The following SHISA6 variants were observed in gnomAD, a reference collection of about 807,000 sequenced individuals.
SHISA6 encodes the protein protein shisa-6.
In SHISA6, 22 loss-of-function variants were observed where a neutral mutation model predicts 47.9. That is an observed-to-expected ratio of 0.46 (90% CI 0.33 to 0.66). The LOEUF (loss-of-function observed/expected upper bound fraction) is 0.66, where lower values mean the gene tolerates loss of function less well. SHISA6 is among the 30% of genes least tolerant of loss of function. The probability of loss-of-function intolerance (pLI) is 0.02; values close to 1 mark genes in which losing one functional copy is unlikely to be tolerated. For missense variants in SHISA6, 680 were observed against 764.6 expected, an observed-to-expected ratio of 0.89 and a Z score of 1.30; for synonymous variants, 388 against 337.8, an observed-to-expected ratio of 1.15 and a Z score of -1.63.
At chr17:11,542,421 GACAA>G (rs899506774) in intron 3 of SHISA6, among the ~76,000 whole-genome samples, 5 of 150,728 alleles carry the variant, frequency 3.3e-5, no homozygotes, top group African/African-American at 2.4e-5. Flanking sequence ...AACATTCTCA[GACAA>G]ACAAAGACTG....
intron 2 of SHISA6, among the ~76,000 whole-genome samples, chr17:11,375,344 C>G (rs1227699641): frequency 6.6e-6 from 1 of 152,032 alleles, no homozygotes; most frequent in African/African-American, 2.4e-5. Flanking sequence ...ATCTCTTTGT[C>G]CTTCCCCTCT....
intron 2 of SHISA6, among the ~76,000 whole-genome samples, chr17:11,281,259 T>A (rs1332271485): frequency 1.3e-5 from 2 of 152,136 alleles, no homozygotes; most frequent in Non-Finnish European, 2.9e-5. Flanking sequence ...GGGAAAGCAG[T>A]CTTTTGCATT....
chr17:11,422,232 G>A lies in SHISA6; in HGVS notation c.895+42723G>A, dbSNP rs117940664. Among the ~76,000 whole-genome samples, 221 of 152,264 alleles carry A rather than the reference G, an allele frequency of 1.5e-3. 4 individuals carry two copies. The East Asian group carries it at 0.038, about 26-fold the overall frequency. On this transcript the variant is annotated intron_variant, in intron 3 of 5. Coordinates refer to ENST00000441885, the MANE Select transcript of SHISA6 (RefSeq NM_207386.4). ...CACCTGCAGCCTGACTGGGCTGGTGGGGCAATGAACTGCATGAGTCAAGAG... is the reference window on the plus strand; with the variant it reads ...CACCTGCAGCCTGACTGGGCTGGTGAGGCAATGAACTGCATGAGTCAAGAG...
At chr17:11,244,640 A>G (rs778916315) in intron 1 of SHISA6, among the ~76,000 whole-genome samples, 4 of 152,174 alleles carry the variant, frequency 2.6e-5, no homozygotes, top group Non-Finnish European at 5.9e-5. Context: ...AGGGAGTGAT[A>G]GAGACAGAGA....
At chr17:11,388,793 TATA>T (rs1913279711) in intron 3 of SHISA6, among the ~76,000 whole-genome samples, 1 of 9,186 alleles carries the variant, frequency 1.1e-4, no homozygotes, top group African/African-American at 7.5e-4. Context: ...CAAAAGTTTA[TATA>T]TATATATATA....
chr17:11,560,939 G>A lies in SHISA6; in HGVS notation c.*2635G>A, dbSNP rs2277655. 0.7 allele frequency: 105,553 copies of A among 150,826 alleles called. 37,109 individuals are homozygous for A. The highest frequency in any genetic ancestry group is 0.83 in the East Asian group (4,206 of 5,042). 9.3% of individuals were successfully genotyped at this position (150,826 alleles called of 1,614,324 possible). A position where few individuals can be genotyped will look rare whatever the true frequency, so the allele number is the denominator to read the frequency against. The stretch of plus-strand genomic sequence containing the variant: ...GAGGGAGAGAGGGAGGGAGGGAGGG[G>A]AGGAGGGAAGAAAAAAGAAGTAGAG... On this transcript the variant is annotated 3_prime_UTR_variant, in exon 6 of 6. Transcript: ENST00000441885.
In SHISA6 at chr17:11,558,123, T is replaced by A. The variant is rs2072001469; in HGVS notation, c.1475T>A (p.Met492Lys). The A allele has an allele frequency of 6.4e-7, 1 of 1,551,216 alleles. No individual in the cohort carries two copies. Among genetic ancestry groups the A allele is most frequent in the African/African-American group, 1.4e-5 (1 of 73,072 alleles). The change falls in exon 6 of 6, where the codon ATG (methionine) becomes AAG (lysine). Residue 492 changes from methionine (M) to lysine (K), a missense_variant. Met to Lys is a moderately conservative substitution (Grantham distance 95). This residue lies in a region of SHISA6 where 559 missense variants were observed against 674.1 expected (regional missense o/e 0.83). Coordinates refer to ENST00000441885, the MANE Select transcript of SHISA6 (RefSeq NM_207386.4). ...VSTPVLDRYRMSKMHSHPSAS... is the reference protein window; with the variant it reads ...VSTPVLDRYRKSKMHSHPSAS... The stretch of plus-strand genomic sequence containing the variant: ...ACACCCGTGCTGGACCGCTACCGCA[T>A]GAGCAAGATGCACTCTCATCCCAGT...
intron 2 of SHISA6, among the ~76,000 whole-genome samples, chr17:11,302,770 G>A (rs1374116842): frequency 6.6e-6 from 1 of 152,004 alleles, no homozygotes; most frequent in Non-Finnish European, 1.5e-5. Flanking sequence ...GGGCAGACCC[G>A]AAGGGTTGCA....
intron 3 of SHISA6, among the ~76,000 whole-genome samples, chr17:11,438,434 A>G (rs1347236584): frequency 1.3e-5 from 2 of 152,172 alleles, no homozygotes; most frequent in Non-Finnish European, 2.9e-5. Context: ...CTGAAAGTTC[A>G]AGATCACTGT....
intron 1 of SHISA6, 141 bp from the exon 2 acceptor site, chr17:11,263,225 C>T (rs935315430): frequency 1.2e-6 from 1 of 851,008 alleles, no homozygotes; most frequent in Non-Finnish European, 1.8e-6. Context: ...CCAGATGTAG[C>T]TGACTATTGA....
chr17:11,385,907 A>G (rs1302135583), intron 3 of SHISA6, among the ~76,000 whole-genome samples: 1 of 151,828 alleles, frequency 6.6e-6, no homozygotes. Flanking sequence ...AAATCCAGTG[A>G]GCTGAAGCGT....
intron 3 of SHISA6, among the ~76,000 whole-genome samples, chr17:11,398,379 T>C (rs1913647744): frequency 6.6e-6 from 1 of 152,134 alleles, no homozygotes; most frequent in Non-Finnish European, 1.5e-5. Flanking sequence ...TCTTTCGTCT[T>C]ACAGGATGCC....
chr17:11,265,316 G>C (rs1033176657), intron 2 of SHISA6, among the ~76,000 whole-genome samples: 6 of 151,878 alleles, frequency 4.0e-5, no homozygotes, highest in Non-Finnish European at 8.8e-5. Flanking sequence ...AAGCCCAATG[G>C]TTCTTAAACT....
chr17:11,558,307 G>T lies in SHISA6; in HGVS notation c.*3G>T, dbSNP rs146454723. 51 of 1,535,984 alleles carry T rather than the reference G, an allele frequency of 3.3e-5. No individual in the cohort carries two copies. Among genetic ancestry groups the T allele is most frequent in the Non-Finnish European group, 4.4e-5 (50 of 1,145,850 alleles). The stretch of plus-strand genomic sequence containing the variant: ...GCAAGACCGAAGTGACCGTGTGACC[G>T]GCGGGGCAGGGCCGGGGCTGCTGGG... On this transcript the variant is annotated 3_prime_UTR_variant, in exon 6 of 6. Coordinates refer to ENST00000441885, the MANE Select transcript of SHISA6 (RefSeq NM_207386.4).
chr17:11,303,545 G>A (rs1386737110), intron 2 of SHISA6, among the ~76,000 whole-genome samples: 1 of 152,124 alleles, frequency 6.6e-6, no homozygotes, highest in Non-Finnish European at 1.5e-5. Context: ...GTGTATGTGA[G>A]AGTGTGATCT....
chr17:11,364,431 T>A (rs1304757129), intron 2 of SHISA6, among the ~76,000 whole-genome samples: 2 of 152,246 alleles, frequency 1.3e-5, no homozygotes, highest in South Asian at 4.1e-4. Flanking sequence ...CATTTTTTTG[T>A]GTGTTTGGCT....
At chr17:11,318,114 T>C (rs115295597) in intron 2 of SHISA6, among the ~76,000 whole-genome samples, 9 of 125,040 alleles carry the variant, frequency 7.2e-5, no homozygotes, top group African/African-American at 2.7e-4. Flanking sequence ...TTTGAAAATA[T>C]AATCACAGTG....
At chr17:11,407,885 G>A (rs540350381) in intron 3 of SHISA6, among the ~76,000 whole-genome samples, 10 of 152,272 alleles carry the variant, frequency 6.6e-5, no homozygotes, top group South Asian at 2.1e-4. Context: ...TGTGAAATGC[G>A]TCTGTCCTCA....
At chr17:11,252,180 G>T (rs946439711) in intron 1 of SHISA6, among the ~76,000 whole-genome samples, 2 of 152,200 alleles carry the variant, frequency 1.3e-5, no homozygotes, top group African/African-American at 4.8e-5. Flanking sequence ...AGGAGCCCCA[G>T]TGAGACCTCT....
Sources: allele counts gnomAD v4.1 joint callset (sites outside exome capture counted in the v4.1 genomes callset), GRCh38; gene constraint gnomAD v4.1.1; regional missense constraint gnomAD v4.1.1; transcripts MANE v1.5; gene names NCBI Gene and HGNC (gene_info 2026-07-23, HGNC 2026-07-21).